KIAA0513: variants seen among roughly 807,000 people sequenced by gnomAD.
KIAA0513 encodes uncharacterized protein KIAA0513.
A neutral mutation model predicts 56.5 loss-of-function variants in KIAA0513; 39 were observed. That is an observed-to-expected ratio of 0.69 (90% CI 0.53 to 0.90). KIAA0513 has a LOEUF of 0.90. Ranked by LOEUF, KIAA0513 falls within the 40% of genes least tolerant of loss-of-function variation. The pLI, the probability that KIAA0513 is intolerant of heterozygous loss-of-function variation, is 0.00. For synonymous variants in KIAA0513, 268 were observed against 215.6 expected (o/e 1.24, Z -2.13); for missense variants, 591 against 535.2 (o/e 1.10, Z -1.03).
Position 85,077,582 on chromosome 16 carries a change from C to T in KIAA0513, c.732C>T (p.Phe244=). 1.2e-6 allele frequency: 2 copies of T among 1,614,080 alleles called. No homozygotes were observed. Among genetic ancestry groups the T allele is most frequent in the Non-Finnish European group, 1.7e-6 (2 of 1,179,990 alleles). Residue 244 remains phenylalanine (F), a synonymous_variant, in exon 6 of 13, where the codon TTC becomes TTT. Transcript: ENST00000683363. Reference sequence around the variant, plus strand: ...CCAGGACTGAGAATGTCAAGGGCTTCTTCGGGGGGCTGGAGACCAAGCTGA... The same window carrying T: ...CCAGGACTGAGAATGTCAAGGGCTTTTTCGGGGGGCTGGAGACCAAGCTGA... The part of the protein sequence containing the change: ...TSARTENVKG[F]FGGLETKLKG...
intron 4 of KIAA0513, among the ~76,000 whole-genome samples, chr16:85,074,509 C>T (rs1054170139): frequency 2.6e-5 from 4 of 152,184 alleles, no homozygotes; most frequent in Non-Finnish European, 4.4e-5. Flanking sequence ...AGTTCTCCTG[C>T]TTCATGTCTC....
In KIAA0513 at chr16:85,036,015, A is replaced by G. The variant is rs528498749; in HGVS notation, c.-173+8157A>G. On this transcript the variant is annotated intron_variant, in intron 1 of 12. Coordinates refer to ENST00000683363, the MANE Select transcript of KIAA0513 (RefSeq NM_001388359.1). ...AAAAAAAAAGGAATGGGTTCTTACTATGTTGCCTGAGCTGGTCTTGCACTT... is the reference window on the plus strand; with the variant it reads ...AAAAAAAAAGGAATGGGTTCTTACTGTGTTGCCTGAGCTGGTCTTGCACTT... Among the ~76,000 whole-genome samples, 13 of 150,246 alleles carry G rather than the reference A, an allele frequency of 8.7e-5. No homozygotes were observed. In the South Asian group the frequency reaches 2.7e-3, roughly 32 times the overall value.
chr16:85,071,723 C>A, intron 2 of KIAA0513, 60 bp from the exon 3 acceptor site: 1 of 1,358,182 alleles, frequency 7.4e-7, no homozygotes, highest in Non-Finnish European at 1.0e-6. Context: ...TCCCCTGTTG[C>A]TCCAGGGGAT....
At chr16:85,082,662 G>A in intron 10 of KIAA0513, 69 bp downstream of exon 10, 1 of 1,514,652 alleles carries the variant, frequency 6.6e-7, no homozygotes, top group Non-Finnish European at 9.2e-7. Flanking sequence ...TGCAGGGTGG[G>A]GGCTGTGCAC....
In KIAA0513 at chr16:85,072,972, G is replaced by A; in HGVS notation, c.477G>A (p.Val159=). ...CAGAGGCAACCTTCTACCGCCTGGTGCAGTCTTTTGCAGTGGTGCTGTTCG... is the reference window on the plus strand; with the variant it reads ...CAGAGGCAACCTTCTACCGCCTGGTACAGTCTTTTGCAGTGGTGCTGTTCG... ...CVSEATFYRL[V]QSFAVVLFEC... is the part of the protein sequence containing the mutation. The change falls in exon 4 of 13, where the codon GTG becomes GTA. Residue 159 remains valine (V), a synonymous_variant. Coordinates refer to ENST00000683363, the MANE Select transcript of KIAA0513 (RefSeq NM_001388359.1). 2.5e-6 allele frequency: 4 copies of A among 1,614,148 alleles called. No individual in the cohort carries two copies. Among genetic ancestry groups the A allele is most frequent in the Non-Finnish European group, 3.4e-6 (4 of 1,179,996 alleles).
intron 2 of KIAA0513, among the ~76,000 whole-genome samples, chr16:85,067,871 T>A (rs749106619): frequency 6.6e-6 from 1 of 151,974 alleles, no homozygotes; most frequent in Non-Finnish European, 1.5e-5. Context: ...AGTGCAGTGG[T>A]GCGATCTCAG....
chr16:85,064,575 T>A (rs1177278625), intron 1 of KIAA0513, among the ~76,000 whole-genome samples: 1 of 152,266 alleles, frequency 6.6e-6, no homozygotes, highest in African/African-American at 2.4e-5. Flanking sequence ...AGATAGTTTT[T>A]AAATTTTTGC....
chr16:85,031,431 C>G (rs2072963076), intron 1 of KIAA0513, among the ~76,000 whole-genome samples: 1 of 152,168 alleles, frequency 6.6e-6, no homozygotes, highest in Non-Finnish European at 1.5e-5. Flanking sequence ...TTGCCATGAG[C>G]TAAGAATGTA....
intron 1 of KIAA0513, among the ~76,000 whole-genome samples, chr16:85,062,778 C>T (rs186305225): frequency 6.2e-4 from 94 of 152,280 alleles, no homozygotes; most frequent in Non-Finnish European, 2.9e-5. Context: ...ACCGGGCTGG[C>T]TCTGAGCAGG....
rs559808020 is a variant in KIAA0513 at position 85,053,248 on chromosome 16, A to G, written c.-172-13652A>G. Among the ~76,000 whole-genome samples, 4 of 152,280 alleles carry G rather than the reference A, an allele frequency of 2.6e-5. No individual in the cohort carries two copies. The East Asian group carries it at 5.8e-4, about 22-fold the overall frequency. On this transcript the variant is annotated intron_variant, in intron 1 of 12. Transcript: ENST00000683363. ...TATGAGTTATTGGAAGGCAGACACC[A>G]TGTTGTTTCTACATCATGCCTGATA...
intron 1 of KIAA0513, among the ~76,000 whole-genome samples, chr16:85,051,778 A>G (rs1051532394): frequency 2.7e-5 from 4 of 149,662 alleles, no homozygotes; most frequent in Middle Eastern, 7.1e-3. Flanking sequence ...ATTTCTTTGG[A>G]TGCTCTCCAG....
chr16:85,083,475 C>A (rs1353519687), intron 10 of KIAA0513, among the ~76,000 whole-genome samples: 6 of 152,174 alleles, frequency 3.9e-5, no homozygotes, highest in Non-Finnish European at 8.8e-5. Flanking sequence ...CTTTCATGAA[C>A]AAAGCCCCTA....
rs528018832 is a variant in KIAA0513, at chr16:85,088,714, C to T, written c.*389C>T. 1.9e-4 allele frequency: 37 copies of T among 194,938 alleles called. No individual in the cohort carries two copies. Among genetic ancestry groups the T allele is most frequent in the South Asian group, 9.0e-4 (7 of 7,802 alleles). 12.1% of individuals were successfully genotyped at this position (194,938 alleles called of 1,614,324 possible). ...GACAGCCATGAGGTGGGGCTGCAGC[C>T]GGCACACCCAGTGGTGGAGGGCCGG... On this transcript the variant is annotated 3_prime_UTR_variant, in exon 13 of 13. Coordinates refer to ENST00000683363, the MANE Select transcript of KIAA0513 (RefSeq NM_001388359.1).
intron 1 of KIAA0513, among the ~76,000 whole-genome samples, chr16:85,032,096 G>C (rs1007059801): frequency 7.9e-5 from 12 of 152,172 alleles, no homozygotes; most frequent in African/African-American, 2.9e-4. Flanking sequence ...GACAGGGCTG[G>C]TTCCTTCTTG....
chr16:85,045,326 C>G (rs1276225333), intron 1 of KIAA0513, among the ~76,000 whole-genome samples: 1 of 152,036 alleles, frequency 6.6e-6, no homozygotes, highest in Non-Finnish European at 1.5e-5. Flanking sequence ...GGAAGAGAGT[C>G]TTTATATTTG....
At chr16:85,062,457 G>T (rs1308415720) in intron 1 of KIAA0513, among the ~76,000 whole-genome samples, 1 of 152,216 alleles carries the variant, frequency 6.6e-6, no homozygotes, top group Non-Finnish European at 1.5e-5. Flanking sequence ...CAGGGGGGTT[G>T]CAGTGCTTCA....
chr16:85,058,451 G>A (rs1412544404), intron 1 of KIAA0513, among the ~76,000 whole-genome samples: 1 of 152,078 alleles, frequency 6.6e-6, no homozygotes, highest in African/African-American at 2.4e-5. Flanking sequence ...TCAGGAGTTC[G>A]AGACTAGCCT....
intron 1 of KIAA0513, among the ~76,000 whole-genome samples, chr16:85,039,056 G>A (rs13335460): frequency 0.39 from 59,444 of 152,080 alleles, 12,746 homozygotes; most frequent in African/African-American, 0.57. Flanking sequence ...CTGAGGGCCA[G>A]GCTTTTGTCT....
intron 10 of KIAA0513, among the ~76,000 whole-genome samples, chr16:85,086,241 G>T (rs1016845807): frequency 6.6e-6 from 1 of 152,212 alleles, no homozygotes; most frequent in African/African-American, 2.4e-5. Flanking sequence ...CTGGGACGTT[G>T]GGCAGGTCCC....
Sources: allele counts gnomAD v4.1 joint callset (sites outside exome capture counted in the v4.1 genomes callset), GRCh38; gene constraint gnomAD v4.1.1; transcripts MANE v1.5; gene names NCBI Gene and HGNC (gene_info 2026-07-23, HGNC 2026-07-21).